SEC14L1: variants seen among roughly 807,000 people sequenced by gnomAD.
SEC14L1 encodes SEC14 like lipid binding 1.
SEC14L1 carries 48 observed loss-of-function variants against 85.3 expected under a neutral mutation model. That is an observed-to-expected ratio of 0.56 (90% CI 0.45 to 0.72). The LOEUF (loss-of-function observed/expected upper bound fraction) is 0.72, where lower values mean the gene tolerates loss of function less well. Ranked by LOEUF, SEC14L1 falls within the 30% of genes least tolerant of loss-of-function variation. The probability of loss-of-function intolerance (pLI) is 0.00; values close to 1 mark genes in which losing one functional copy is unlikely to be tolerated. For synonymous variants in SEC14L1, 391 were observed against 355.5 expected (o/e 1.10, Z -1.12); for missense variants, 682 against 921.4 (o/e 0.74, Z 3.36).
At position 77,216,625 on chromosome 17, in the gene SEC14L1, T is replaced by G; in HGVS notation, c.*2602T>G. On this transcript the variant is annotated 3_prime_UTR_variant, in exon 17 of 17. Coordinates refer to ENST00000436233, the MANE Select transcript of SEC14L1 (RefSeq NM_001143998.2). ...ATGTGCCCAGAGATGTTTATAGAACTGTTTGAATTGCAGCCATCCCCTGCC... is the reference window on the plus strand; with the variant it reads ...ATGTGCCCAGAGATGTTTATAGAACGGTTTGAATTGCAGCCATCCCCTGCC... 6.2e-7 allele frequency: 1 copy of G among 1,612,268 alleles called. No individual in the cohort carries two copies. The highest frequency in any genetic ancestry group is 8.5e-7 in the Non-Finnish European group (1 of 1,178,678).
At chr17:77,104,175 A>C (rs1335731422) in intron 3 of SEC14L1, among the ~76,000 whole-genome samples, 2 of 143,438 alleles carry the variant, frequency 1.4e-5, no homozygotes, top group Non-Finnish European at 3.0e-5. Context: ...GCTAGAGTGC[A>C]GTGGTGCGAT....
chr17:77,194,679 A>C lies in SEC14L1; in HGVS notation c.477A>C (p.Gly159=), dbSNP rs1438695207. 1 of 1,612,638 alleles carries C rather than the reference A, an allele frequency of 6.2e-7. No individual in the cohort carries two copies. The highest frequency in any genetic ancestry group is 2.2e-5 in the East Asian group (1 of 44,870). Residue 159 remains glycine, a splice_region_variant and synonymous_variant, in exon 7 of 17, where the codon GGA becomes GGC. Coordinates refer to ENST00000436233, the MANE Select transcript of SEC14L1 (RefSeq NM_001143998.2). ...TTTAAATTGGTTTTGTTTTAAAGGG[A>C]AAGGAAATCATCGAATACTACCTTC... ...MKQYTSNIKK[G]KEIIEYYLRQ... is the part of the protein sequence containing the mutation.
At chr17:77,106,726 C>T (rs916219384) in intron 3 of SEC14L1, among the ~76,000 whole-genome samples, 1 of 151,970 alleles carries the variant, frequency 6.6e-6, no homozygotes, top group Non-Finnish European at 1.5e-5. Flanking sequence ...GTCCCAGCTA[C>T]TCAGGAGGCT....
chr17:77,133,613 C>T (rs756200195), intron 3 of SEC14L1, among the ~76,000 whole-genome samples: 3 of 152,002 alleles, frequency 2.0e-5, no homozygotes, highest in South Asian at 2.1e-4. Context: ...AAATGAGAGG[C>T]GACAACAGAC....
intron 3 of SEC14L1, among the ~76,000 whole-genome samples, chr17:77,150,464 A>G (rs1278216517): frequency 6.6e-6 from 1 of 152,246 alleles, no homozygotes; most frequent in African/African-American, 2.4e-5. Context: ...GTAAATGACT[A>G]TGAATGTGCA....
chr17:77,209,321 C>T (rs760339258), intron 13 of SEC14L1, 21 bp from the exon 14 acceptor site: 1 of 1,613,636 alleles, frequency 6.2e-7, no homozygotes, highest in Non-Finnish European at 8.5e-7. Context: ...ACAGGTTTCA[C>T]TGCTGTGTTT....
At chr17:77,105,549 G>A (rs994614752) in intron 3 of SEC14L1, among the ~76,000 whole-genome samples, 3 of 152,080 alleles carry the variant, frequency 2.0e-5, no homozygotes, top group Admixed American at 2.0e-4. Flanking sequence ...TTAAATGATG[G>A]TAAGGATATA....
intron 3 of SEC14L1, among the ~76,000 whole-genome samples, chr17:77,121,188 A>G (rs959554756): frequency 6.6e-5 from 10 of 152,134 alleles, no homozygotes; most frequent in Non-Finnish European, 1.2e-4. Context: ...TGAATTGGCT[A>G]GGCTGGATCC....
chr17:77,176,579 G>T (rs1974767874), intron 3 of SEC14L1, among the ~76,000 whole-genome samples: 1 of 152,102 alleles, frequency 6.6e-6, no homozygotes, highest in South Asian at 2.1e-4. Flanking sequence ...CAATAATTAT[G>T]GTTTTTTGTT....
chr17:77,214,253 C>T lies in SEC14L1; in HGVS notation c.*230C>T. 1 of 1,339,352 alleles carries T rather than the reference C, an allele frequency of 7.5e-7. No homozygotes were observed. The highest frequency in any genetic ancestry group is 9.6e-7 in the Non-Finnish European group (1 of 1,047,066). The allele number at this position is 1,339,352 out of a possible 1,614,324, so 83.0% of individuals were successfully genotyped here. ...CCATAGATTTTGTATACGTTGTGCA[C>T]AAAATCCAACCAGAGCGCAAGGGCT... On this transcript the variant is annotated 3_prime_UTR_variant, in exon 17 of 17. Coordinates refer to ENST00000436233, the MANE Select transcript of SEC14L1 (RefSeq NM_001143998.2).
chr17:77,166,341 A>G (rs1974280034), intron 3 of SEC14L1, among the ~76,000 whole-genome samples: 13 of 152,192 alleles, frequency 8.5e-5, no homozygotes, highest in Admixed American at 8.5e-4. Context: ...ATTGAAGCTT[A>G]ATGAAATTAA....
At chr17:77,210,277 A>G (rs1976681634) in intron 14 of SEC14L1, 1 of 152,328 alleles carries the variant, frequency 6.6e-6, no homozygotes, top group African/African-American at 2.4e-5. Context: ...TAGAGAAGCA[A>G]GGGCGTTCCG....
chr17:77,151,448 T>G (rs1420140750), intron 3 of SEC14L1, among the ~76,000 whole-genome samples: 1 of 152,112 alleles, frequency 6.6e-6, no homozygotes, highest in Non-Finnish European at 1.5e-5. Context: ...TGCATTCCAG[T>G]TGGTTTTTCC....
intron 3 of SEC14L1, among the ~76,000 whole-genome samples, chr17:77,155,240 A>G (rs1242152891): frequency 6.6e-6 from 1 of 152,170 alleles, no homozygotes; most frequent in African/African-American, 2.4e-5. Context: ...TCACTGTCCC[A>G]GGCAGATTTA....
chr17:77,127,144 C>G (rs1972473401), intron 3 of SEC14L1, among the ~76,000 whole-genome samples: 1 of 151,978 alleles, frequency 6.6e-6, no homozygotes, highest in Non-Finnish European at 1.5e-5. Context: ...ACCCCTCACC[C>G]CCAACCAACA....
intron 3 of SEC14L1, among the ~76,000 whole-genome samples, chr17:77,177,022 C>T (rs1200165486): frequency 6.6e-6 from 1 of 152,124 alleles, no homozygotes. Context: ...ATTTTTTCTT[C>T]AACTTAAGTT....
chr17:77,137,740 G>A (rs576683287), upstream of SEC14L1, among the ~76,000 whole-genome samples: 6 of 152,298 alleles, frequency 3.9e-5, no homozygotes, highest in South Asian at 4.1e-4. Flanking sequence ...AAACCAATAC[G>A]TGCTTTCACT....
intron 3 of SEC14L1, among the ~76,000 whole-genome samples, chr17:77,179,477 A>G (rs180890924): frequency 1.3e-5 from 2 of 152,278 alleles, no homozygotes; most frequent in East Asian, 3.9e-4. Context: ...TTGTTGGGTT[A>G]CTTCGCATCT....
intron 3 of SEC14L1, among the ~76,000 whole-genome samples, chr17:77,166,198 C>T (rs112057533): frequency 6.5e-4 from 99 of 152,338 alleles, no homozygotes; most frequent in African/African-American, 2.2e-3. Context: ...ACCTTGGCCT[C>T]TCAAATTGCT....
Sources: allele counts gnomAD v4.1 joint callset (sites outside exome capture counted in the v4.1 genomes callset), GRCh38; gene constraint gnomAD v4.1.1; transcripts MANE v1.5; gene names NCBI Gene and HGNC (gene_info 2026-07-23, HGNC 2026-07-21).